DZIP1L: variants seen among roughly 807,000 people sequenced by gnomAD.
DZIP1L encodes the protein cilium assembly protein DZIP1L.
A neutral mutation model predicts 88.7 loss-of-function variants in DZIP1L; 90 were observed. The ratio of observed to expected loss-of-function variants is 1.02; its 90% confidence interval spans 0.86 to 1.21. The LOEUF (loss-of-function observed/expected upper bound fraction) is 1.21, where lower values mean the gene tolerates loss of function less well. Among genes scored for constraint, DZIP1L ranks in the 50% most tolerant of loss-of-function variants. The probability of loss-of-function intolerance (pLI) is 0.00; values close to 1 mark genes in which losing one functional copy is unlikely to be tolerated. For synonymous variants in DZIP1L, 363 were observed against 372.1 expected (o/e 0.98, Z 0.28); for missense variants, 932 against 955.8 (o/e 0.98, Z 0.33).
At chr3:138,089,951 T>C in intron 5 of DZIP1L, among the ~76,000 whole-genome samples, 1 of 152,014 alleles carries the variant, frequency 6.6e-6, no homozygotes, top group East Asian at 1.9e-4. Context: ...GAGGCCAGCC[T>C]GGGTAACATG....
rs975494509 is a variant in DZIP1L, at chr3:138,104,051, G to T, written c.-80C>A. 26 of 1,520,532 alleles carry T rather than the reference G, an allele frequency of 1.7e-5. 1 individual carries two copies. The African/African-American group carries it at 2.4e-4, about 14-fold the overall frequency. 94.2% of individuals were successfully genotyped at this position (1,520,532 alleles called of 1,614,324 possible). A position where few individuals can be genotyped will look rare whatever the true frequency, so the allele number is the denominator to read the frequency against. On this transcript the variant is annotated splice_region_variant and 5_prime_UTR_variant, in exon 2 of 16. Coordinates refer to ENST00000327532, the MANE Select transcript of DZIP1L (RefSeq NM_173543.3). ...CAGTAGGCCAAGGAGCTGAGAGAAG[G>T]CCTGGAAAATAAGAAGAGAGTCCAA...
At chr3:138,103,401 TGGCAACAGTTGCCCCAGTGGCTGG>T (rs1319898410) in intron 2 of DZIP1L, 46 bp downstream of exon 2, 2 of 1,510,654 alleles carry the variant, frequency 1.3e-6, no homozygotes, top group Non-Finnish European at 1.8e-6. Context: ...TGCTGCCCAG[TGGCAACAGTTGCCCCAGTGGCTGG>T]GGCACACAGC....
chr3:138,084,101 G>T lies in DZIP1L; in HGVS notation c.1203+12C>A. On this transcript the variant is annotated intron_variant, in intron 8 of 15. Coordinates refer to ENST00000327532, the MANE Select transcript of DZIP1L (RefSeq NM_173543.3). Reference sequence around the variant, plus strand: ...GACACCAAGGCCTGGCTGAAAGGAAGGGCAGACCTACCATCTCCTCCTGGG... The same window carrying T: ...GACACCAAGGCCTGGCTGAAAGGAATGGCAGACCTACCATCTCCTCCTGGG... 6.2e-7 allele frequency: 1 copy of T among 1,612,776 alleles called. No homozygotes were observed. The highest frequency in any genetic ancestry group is 1.7e-5 in the Admixed American group (1 of 59,914).
intron 13 of DZIP1L, 50 bp from the exon 14 acceptor site, chr3:138,067,750 C>T (rs755620567): frequency 6.7e-7 from 1 of 1,502,558 alleles, no homozygotes; most frequent in South Asian, 1.4e-5. Context: ...AGAAAGAAAA[C>T]TTCAAAAGCC....
In DZIP1L at chr3:138,068,212, C is replaced by G. The variant is rs760024871; in HGVS notation, c.1771G>C (p.Ala591Pro). ...GGTCCATGCAGTCCGGGGCGTGGAGCGGGGGCGGACACCTGGGTCAGGCTG... is the reference window on the plus strand; with the variant it reads ...GGTCCATGCAGTCCGGGGCGTGGAGGGGGGGCGGACACCTGGGTCAGGCTG... ...GSSLTQVSAPAPRPGLHGPSS... is the reference protein window; with the variant it reads ...GSSLTQVSAPPPRPGLHGPSS... Residue 591 changes from alanine to proline, a missense_variant, in exon 13 of 16, where the codon GCT becomes CCT. Transcript: ENST00000327532. 3.1e-6 allele frequency: 5 copies of G among 1,590,670 alleles called. No homozygotes were observed. The highest frequency in any genetic ancestry group is 4.3e-6 in the Non-Finnish European group (5 of 1,167,588).
rs146329045 is a variant in DZIP1L, at chr3:138,075,987, T to C, written c.1422+1512A>G. 2.8e-3 allele frequency among the ~76,000 whole-genome samples: 427 copies of C among 151,922 alleles called. 4 individuals are homozygous for C. Among genetic ancestry groups the C allele is most frequent in the African/African-American group, 9.4e-3 (391 of 41,410 alleles). ...AAAAGGCTGAAAGAGCACAAATAGATAATCTAAGGTCACACCTCATGGAAC... is the reference window on the plus strand; with the variant it reads ...AAAAGGCTGAAAGAGCACAAATAGACAATCTAAGGTCACACCTCATGGAAC... On this transcript the variant is annotated intron_variant, in intron 11 of 15. Transcript: ENST00000327532.
chr3:138,108,044 C>T (rs926925140), intron 1 of DZIP1L: 4 of 178,502 alleles, frequency 2.2e-5, no homozygotes, highest in Admixed American at 6.5e-5. Context: ...AGTGCAGTGG[C>T]GCGATCTCGG....
At chr3:138,087,451 T>C (rs1943998610) in intron 6 of DZIP1L, among the ~76,000 whole-genome samples, 1 of 152,208 alleles carries the variant, frequency 6.6e-6, no homozygotes, top group Non-Finnish European at 1.5e-5. Flanking sequence ...CTTTGTTATA[T>C]GGCCAAACCA....
At chr3:138,089,464 T>C (rs1245225845) in intron 5 of DZIP1L, among the ~76,000 whole-genome samples, 1 of 152,220 alleles carries the variant, frequency 6.6e-6, no homozygotes, top group Non-Finnish European at 1.5e-5. Flanking sequence ...TAATCTAAAG[T>C]TCTCTCTTTA....
intron 7 of DZIP1L, 32 bp downstream of exon 7, chr3:138,086,929 C>T (rs1943967153): frequency 2.5e-6 from 4 of 1,611,180 alleles, no homozygotes; most frequent in Non-Finnish European, 3.4e-6. Context: ...CACAGGAAAC[C>T]AAGCTCCCCG....
chr3:138,062,854 G>T lies in DZIP1L; in HGVS notation c.2266C>A (p.Pro756Thr), dbSNP rs1420212476. Residue 756 changes from proline to threonine, a missense_variant, in exon 16 of 16, where the codon CCA (proline) becomes ACA (threonine). Physicochemically the swap from Pro to Thr is conservative, Grantham distance 38 (BLOSUM62 -1). Coordinates refer to ENST00000327532, the MANE Select transcript of DZIP1L (RefSeq NM_173543.3). Reference sequence around the variant, plus strand: ...ACCCTGGGTTGGCCAGAGCTCTGTGGACCAGTGCCAAACTTCTCTGGGAGC... The same window carrying T: ...ACCCTGGGTTGGCCAGAGCTCTGTGTACCAGTGCCAAACTTCTCTGGGAGC... ...SKLPEKFGTG[P>T]QSSGQPRVPA... The T allele has an allele frequency of 6.2e-7, 1 of 1,614,066 alleles. No homozygotes were observed. Among genetic ancestry groups the T allele is most frequent in the Admixed American group, 1.7e-5 (1 of 60,012 alleles).
At position 138,068,318 on chromosome 3, in the gene DZIP1L, G is replaced by C; in HGVS notation, c.1665C>G (p.Thr555=). 6.3e-7 allele frequency: 1 copy of C among 1,591,098 alleles called. No homozygotes were observed. Among genetic ancestry groups the C allele is most frequent in the Non-Finnish European group, 8.6e-7 (1 of 1,167,458 alleles). ...TLVTREAQPK[T]RTLQVALPST... ...ATGGCAAGGCCACCTGCAGGGTCCT[G>C]GTCTTTGGCTGGGCCTCTCTGGTGA... The change falls in exon 13 of 16, where the codon ACC becomes ACG. Residue 555 remains threonine, a synonymous_variant. Coordinates refer to ENST00000327532, the MANE Select transcript of DZIP1L (RefSeq NM_173543.3).
Position 138,066,675 on chromosome 3 carries a change from C to T in DZIP1L, c.2002+856G>A, listed in dbSNP as rs1942917381. On this transcript the variant is annotated intron_variant, in intron 14 of 15. Coordinates refer to ENST00000327532, the MANE Select transcript of DZIP1L (RefSeq NM_173543.3). Reference sequence around the variant, plus strand: ...CACACAGAGCTGAGCACGCGGTGAGCACCCAGCAACACCAACATAGAGGGG... The same window carrying T: ...CACACAGAGCTGAGCACGCGGTGAGTACCCAGCAACACCAACATAGAGGGG... Among the ~76,000 whole-genome samples the T allele has an allele frequency of 2.0e-5, 3 of 152,144 alleles. No homozygotes were observed. In the South Asian group the frequency reaches 6.2e-4, roughly 32 times the overall value.
intron 6 of DZIP1L, 81 bp from the exon 7 acceptor site, chr3:138,087,104 T>A: frequency 7.4e-7 from 1 of 1,343,336 alleles, no homozygotes; most frequent in Non-Finnish European, 1.1e-6. Flanking sequence ...TTAAAAGTAC[T>A]GGCTCATGGG....
intron 2 of DZIP1L, among the ~76,000 whole-genome samples, chr3:138,099,635 C>T (rs1175350501): frequency 6.6e-6 from 1 of 152,114 alleles, no homozygotes; most frequent in South Asian, 2.1e-4. Flanking sequence ...GGTCATGGGG[C>T]AGATCCCTCA....
At chr3:138,071,476 G>C (rs1157872235) in intron 12 of DZIP1L, among the ~76,000 whole-genome samples, 167 bp downstream of exon 12, 1 of 152,188 alleles carries the variant, frequency 6.6e-6, no homozygotes, top group African/African-American at 2.4e-5. Context: ...TTCCTCAACA[G>C]AGAACTTCTG....
chr3:138,105,627 A>C (rs2042460066), intron 1 of DZIP1L, among the ~76,000 whole-genome samples: 1 of 152,056 alleles, frequency 6.6e-6, no homozygotes, highest in African/African-American at 2.4e-5. Flanking sequence ...AACTCTGTAC[A>C]TGTTCAGTAC....
At chr3:138,064,502 C>T in intron 15 of DZIP1L, 126 bp downstream of exon 15, 1 of 1,612,294 alleles carries the variant, frequency 6.2e-7, no homozygotes, top group Non-Finnish European at 8.5e-7. Flanking sequence ...AGGTCACCCA[C>T]AATGTCCCAC....
intron 1 of DZIP1L, among the ~76,000 whole-genome samples, chr3:138,105,098 A>G (rs1174915261): frequency 6.6e-6 from 1 of 152,202 alleles, no homozygotes; most frequent in African/African-American, 2.4e-5. Flanking sequence ...ATATGAAATG[A>G]TAATCTCCAA....
Sources: allele counts gnomAD v4.1 joint callset (sites outside exome capture counted in the v4.1 genomes callset), GRCh38; gene constraint gnomAD v4.1.1; transcripts MANE v1.5; gene names NCBI Gene and HGNC (gene_info 2026-07-23, HGNC 2026-07-21).